WIPF2: variants seen among roughly 807,000 people sequenced by gnomAD.
The protein encoded by WIPF2 is WAS/WASL interacting protein family member 2, also known as WAS/WASL-interacting protein family member 2.
In WIPF2, 23 loss-of-function variants were observed where a neutral mutation model predicts 38.8. The observed-to-expected ratio is 0.59, with a 90% CI of 0.43 to 0.84. The LOEUF is 0.84. WIPF2 is among the 40% of genes least tolerant of loss of function. WIPF2 has a pLI of 0.00. For synonymous variants in WIPF2, 210 were observed against 223.2 expected (o/e 0.94, Z 0.53); for missense variants, 574 against 580.5 (o/e 0.99, Z 0.11).
chr17:40,264,421 G>T, intron 4 of WIPF2, 69 bp from the exon 5 acceptor site: 1 of 1,429,548 alleles, frequency 7.0e-7, no homozygotes, highest in Non-Finnish European at 9.8e-7. Context: ...CTAAGGAGCC[G>T]AGTGAAGTAG....
At position 40,282,866 on chromosome 17, in the gene WIPF2, C is replaced by T. The variant is rs1241190104; in HGVS notation, c.*4641C>T. On this transcript the variant is annotated 3_prime_UTR_variant, in exon 8 of 8. Transcript: ENST00000323571. The stretch of plus-strand genomic sequence containing the variant: ...TATAGCTTTCTGAGGGTCTTCTCTC[C>T]TCCTCTCCAGCTGTATTTTGAAAAT... 1.3e-5 allele frequency: 2 copies of T among 152,038 alleles called. No individual in the cohort carries two copies. Among genetic ancestry groups the T allele is most frequent in the East Asian group, 3.9e-4 (2 of 5,186 alleles). 9.4% of individuals were successfully genotyped at this position (152,038 alleles called of 1,614,324 possible). A position where few individuals can be genotyped will look rare whatever the true frequency, so the allele number is the denominator to read the frequency against.
At position 40,278,499 on chromosome 17, in the gene WIPF2, T is replaced by G; in HGVS notation, c.*274T>G. ...TAGCCACATGAGGAACAAGTTTCCGTGTCTTCTGCCTTCCTCTTGGGGAAA... is the reference window on the plus strand; with the variant it reads ...TAGCCACATGAGGAACAAGTTTCCGGGTCTTCTGCCTTCCTCTTGGGGAAA... On this transcript the variant is annotated 3_prime_UTR_variant, in exon 8 of 8. Coordinates refer to ENST00000323571, the MANE Select transcript of WIPF2 (RefSeq NM_133264.5). The G allele has an allele frequency of 2.1e-6, 1 of 470,086 alleles. No individual in the cohort carries two copies. Among genetic ancestry groups the G allele is most frequent in the South Asian group, 3.2e-5 (1 of 31,142 alleles). The allele number at this position is 470,086 out of a possible 1,614,324, so 29.1% of individuals were successfully genotyped here.
chr17:40,276,957 G>A (rs2032422634), intron 6 of WIPF2, 126 bp from the exon 7 acceptor site: 1 of 787,370 alleles, frequency 1.3e-6, no homozygotes, highest in Non-Finnish European at 2.1e-6. Flanking sequence ...GGTTTGGTGG[G>A]GCAGTAGGTC....
intron 1 of WIPF2, among the ~76,000 whole-genome samples, chr17:40,225,759 TG>T (rs1042816143): frequency 7.2e-5 from 11 of 152,104 alleles, no homozygotes; most frequent in African/African-American, 2.7e-4. Flanking sequence ...CAGGCTCAGG[TG>T]TTCTTCCCAC....
intron 1 of WIPF2, among the ~76,000 whole-genome samples, chr17:40,253,358 G>A (rs189996654): frequency 2.0e-5 from 3 of 152,272 alleles, no homozygotes; most frequent in Non-Finnish European, 2.9e-5. Flanking sequence ...CACCGCGCCC[G>A]GCCTATTTTC....
chr17:40,267,547 G>C (rs1698604805), intron 5 of WIPF2, among the ~76,000 whole-genome samples: 1 of 151,982 alleles, frequency 6.6e-6, no homozygotes, highest in Non-Finnish European at 1.5e-5. Flanking sequence ...TTATTTGTTT[G>C]TTTGTGTTTT....
chr17:40,276,373 C>A (rs1282605531), intron 6 of WIPF2, among the ~76,000 whole-genome samples: 1 of 151,662 alleles, frequency 6.6e-6, no homozygotes, highest in African/African-American at 2.4e-5. Flanking sequence ...ACTAAAAATA[C>A]AAAAATTAGC....
At position 40,273,893 on chromosome 17, in the gene WIPF2, GC is replaced by G; in HGVS notation, c.1079del (p.Pro360HisfsTer19). 6.4e-7 allele frequency: 1 copy of G among 1,555,620 alleles called. No homozygotes were observed. On this transcript the variant is annotated frameshift_variant, in exon 6 of 8. Transcript: ENST00000323571. LOFTEE classifies it high-confidence loss of function. ...GGTCAGAACCCCCGAGCCGAGGAAAGCCCCCACCTCCACCCTCAAGGACGCC... is the reference window on the plus strand; with the variant it reads ...GGTCAGAACCCCCGAGCCGAGGAAAGCCCCACCTCCACCCTCAAGGACGCC... Reference protein sequence around the residue: ...HGSEPPSRGKPPPPPSRTPAG... With the variant: ...HGSEPPSRGKXPPPPSRTPAG...
intron 1 of WIPF2, among the ~76,000 whole-genome samples, chr17:40,250,217 A>ATTTTTTT (rs1567716394): frequency 1.4e-4 from 11 of 80,304 alleles, no homozygotes; most frequent in East Asian, 4.2e-4. Flanking sequence ...GAATTTTATC[A>ATTTTTTT]TGTTTTTTTT....
chr17:40,263,268 TAG>T (rs753328056), intron 4 of WIPF2, among the ~76,000 whole-genome samples: 7 of 152,054 alleles, frequency 4.6e-5, no homozygotes, highest in Non-Finnish European at 7.4e-5. Flanking sequence ...AGGCATTAGT[TAG>T]AGTCTCATAA....
chr17:40,231,711 C>T (rs2030746198), intron 1 of WIPF2, among the ~76,000 whole-genome samples: 1 of 152,090 alleles, frequency 6.6e-6, no homozygotes, highest in African/African-American at 2.4e-5. Context: ...GCGTGAGCCA[C>T]CATGCCTGGC....
intron 1 of WIPF2, among the ~76,000 whole-genome samples, chr17:40,251,123 C>G (rs1055980462): frequency 6.6e-6 from 1 of 151,192 alleles, no homozygotes; most frequent in African/African-American, 2.4e-5. Context: ...ACTGTGTTAG[C>G]CAGGATGGTC....
chr17:40,223,838 G>T (rs1011316263), intron 1 of WIPF2, among the ~76,000 whole-genome samples: 13 of 151,920 alleles, frequency 8.6e-5, no homozygotes, highest in African/African-American at 3.1e-4. Context: ...GCCAGTCTCG[G>T]CCTCCCAAAG....
At chr17:40,254,539 C>G (rs2031660797) in intron 1 of WIPF2, among the ~76,000 whole-genome samples, 2 of 152,062 alleles carry the variant, frequency 1.3e-5, no homozygotes, top group Admixed American at 6.6e-5. Flanking sequence ...TTAGTCTGAT[C>G]TGTAAAATGA....
At chr17:40,221,005 A>T (rs1233337423) in intron 1 of WIPF2, among the ~76,000 whole-genome samples, 1 of 151,166 alleles carries the variant, frequency 6.6e-6, no homozygotes, top group East Asian at 2.0e-4. Flanking sequence ...GATGGTCTGG[A>T]TCTCCTGACC....
chr17:40,239,897 A>G (rs2031127120), intron 1 of WIPF2, among the ~76,000 whole-genome samples: 1 of 151,400 alleles, frequency 6.6e-6, no homozygotes, highest in Non-Finnish European at 1.5e-5. Flanking sequence ...GGGTTTTACC[A>G]TCTTGGCCAG....
intron 5 of WIPF2, among the ~76,000 whole-genome samples, chr17:40,265,532 GTTA>G (rs1162687117): frequency 6.6e-6 from 1 of 152,172 alleles, no homozygotes; most frequent in Non-Finnish European, 1.5e-5. Context: ...AAGCTTAGTA[GTTA>G]TCTAGGAGAA....
At position 40,232,684 on chromosome 17, in the gene WIPF2, G is replaced by C. The variant is rs140864506; in HGVS notation, c.-70+13192G>C. The stretch of plus-strand genomic sequence containing the variant: ...GAGGTGGAGTTTCACTCGTTGCCCA[G>C]GCTGGAGTGCAATGGTGTGATCTCG... On this transcript the variant is annotated intron_variant, in intron 1 of 7. Coordinates refer to ENST00000323571, the MANE Select transcript of WIPF2 (RefSeq NM_133264.5). Among the ~76,000 whole-genome samples, 288 of 150,310 alleles carry C rather than the reference G, an allele frequency of 1.9e-3. 2 individuals are homozygous for C. The highest frequency in any genetic ancestry group is 6.5e-3 in the African/African-American group (264 of 40,848).
At chr17:40,230,305 A>C (rs752803338) in intron 1 of WIPF2, among the ~76,000 whole-genome samples, 2 of 152,126 alleles carry the variant, frequency 1.3e-5, no homozygotes, top group African/African-American at 2.4e-5. Context: ...GCACCACTGC[A>C]CTCCAACCTC....
Sources: gnomAD v4.1 joint callset for allele counts (sites outside exome capture counted in the v4.1 genomes callset) on GRCh38, gnomAD v4.1.1 for gene constraint, MANE v1.5 for transcripts, NCBI Gene and HGNC (gene_info 2026-07-23, HGNC 2026-07-21) for gene names.